Variants in PYGO2 observed in about 807,000 individuals in gnomAD.
PYGO2 encodes the protein pygopus homolog 2.
A neutral mutation model predicts 26.7 loss-of-function variants in PYGO2; 9 were observed. The ratio of observed to expected loss-of-function variants is 0.34; its 90% CI spans 0.20 to 0.59. The LOEUF is 0.59. Among genes scored for constraint, PYGO2 ranks in the 20% least tolerant of loss-of-function variants. PYGO2 has a pLI of 0.84. For synonymous variants in PYGO2, 236 were observed against 219.0 expected (o/e 1.08, Z -0.68); for missense variants, 538 against 561.5 (o/e 0.96, Z 0.42).
rs141762356 is a variant in PYGO2 at position 154,958,879 on chromosome 1, G to C, written c.1121C>G (p.Ser374Cys). ...GCAGAGATCGCAGGCCCAGACGGCA[G>C]AAGCTTCAGTGGTCAGCAGCCCATA... ...SAYGLLTTEA[S>C]AVWACDLCLK... Residue 374 changes from serine (S) to cysteine (C), a missense_variant, in exon 3 of 3, where the codon TCT (serine) becomes TGT (cysteine). Coordinates refer to ENST00000368457, the MANE Select transcript of PYGO2 (RefSeq NM_138300.4). 5.0e-6 allele frequency: 8 copies of C among 1,613,932 alleles called. No individual in the cohort carries two copies. The African/African-American group carries it at 1.1e-4, about 22-fold the overall frequency.
In PYGO2 at chr1:154,959,605, T is replaced by C; in HGVS notation, c.395A>G (p.Gln132Arg). The stretch of plus-strand genomic sequence containing the variant: ...AGGATTGGGAGGGAAGGGGGGTGGC[T>C]GTCGACGGAGTGGCTGGGGGCCCCC... ...GGGGPQPLRR[Q>R]PPPFPPNPMG... The change falls in exon 3 of 3, where the codon CAG (glutamine) becomes CGG (arginine). Residue 132 changes from glutamine to arginine, a missense_variant. Physicochemically the swap from Gln to Arg is conservative, Grantham distance 43 (BLOSUM62 1). This residue lies in a region of PYGO2 where 381 missense variants were observed against 336.6 expected (regional missense o/e 1.13). Coordinates refer to ENST00000368457, the MANE Select transcript of PYGO2 (RefSeq NM_138300.4). This position sits in a 1 kb window ranked among gnomAD's most constrained non-coding sequence, Gnocchi z 4.7. 1 of 1,438,170 alleles carries C rather than the reference T, an allele frequency of 7.0e-7. No individual in the cohort carries two copies. Among genetic ancestry groups the C allele is most frequent in the Non-Finnish European group, 9.2e-7 (1 of 1,089,054 alleles). 89.1% of individuals were successfully genotyped at this position (1,438,170 alleles called of 1,614,324 possible). A position where few individuals can be genotyped will look rare whatever the true frequency, so the allele number is the denominator to read the frequency against.
Position 154,957,681 on chromosome 1 carries a change from G to A in PYGO2, c.*1098C>T, listed in dbSNP as rs1655225836. 2 of 152,664 alleles carry A rather than the reference G, an allele frequency of 1.3e-5. No individual in the cohort carries two copies. The highest frequency in any genetic ancestry group is 1.5e-5 in the Non-Finnish European group (1 of 68,058). The allele number at this position is 152,664 out of a possible 1,614,324, so 9.5% of individuals were successfully genotyped here. A position where few individuals can be genotyped will look rare whatever the true frequency, so the allele number is the denominator to read the frequency against. On this transcript the variant is annotated 3_prime_UTR_variant, in exon 3 of 3. Coordinates refer to ENST00000368457, the MANE Select transcript of PYGO2 (RefSeq NM_138300.4). ...GCTAATTAATCACCAGGCCCAAGAG[G>A]ATATGAAAGAATAGCAAAGAGAAGC...
chr1:154,959,090 C>T lies in PYGO2; in HGVS notation c.910G>A (p.Asp304Asn). The change falls in exon 3 of 3, where the codon GAT (aspartate) becomes AAT (asparagine). Residue 304 changes from aspartate (D) to asparagine (N), a missense_variant. By Grantham distance (23) the Asp-to-Asn change is conservative. Around this residue, in one of 4 missense-constraint regions of PYGO2, gnomAD observed 381 missense variants for 336.6 expected, o/e 1.13. Coordinates refer to ENST00000368457, the MANE Select transcript of PYGO2 (RefSeq NM_138300.4). The surrounding 1 kb of genome is among the most constrained non-coding windows in gnomAD (Gnocchi z 4.7). ...NSSGRGGGTP[D>N]ANSLAPPGKA... ...CCAGGGGGTGCCAAGCTGTTGGCATCTGGAGTGCCCCCACCCCGCCCACTG... is the reference window on the plus strand; with the variant it reads ...CCAGGGGGTGCCAAGCTGTTGGCATTTGGAGTGCCCCCACCCCGCCCACTG... The T allele has an allele frequency of 6.2e-7, 1 of 1,611,818 alleles. No individual in the cohort carries two copies. The highest frequency in any genetic ancestry group is 8.5e-7 in the Non-Finnish European group (1 of 1,179,020).
chr1:154,961,173 G>GA, intron 1 of PYGO2, 147 bp from the exon 2 acceptor site: 1 of 746,248 alleles, frequency 1.3e-6, no homozygotes, highest in Non-Finnish European at 2.3e-6. Context: ...GGTGCAATAT[G>GA]AAAAATAGAT....
intron 2 of PYGO2, 144 bp downstream of exon 2, chr1:154,960,833 G>A (rs747335194): frequency 8.0e-6 from 7 of 880,152 alleles, no homozygotes; most frequent in Non-Finnish European, 1.4e-5. Flanking sequence ...TTCAGCGAAA[G>A]AACAAGAAGC....
rs747682761 is a variant in PYGO2, at chr1:154,959,079, G to A, written c.921C>T (p.Ser307=). 2 of 1,612,860 alleles carry A rather than the reference G, an allele frequency of 1.2e-6. No homozygotes were observed. Among genetic ancestry groups the A allele is most frequent in the Non-Finnish European group, 1.7e-6 (2 of 1,179,716 alleles). Reference sequence around the variant, plus strand: ...CACCTGCCTTGCCAGGGGGTGCCAAGCTGTTGGCATCTGGAGTGCCCCCAC... The same window carrying A: ...CACCTGCCTTGCCAGGGGGTGCCAAACTGTTGGCATCTGGAGTGCCCCCAC... The part of the protein sequence containing the change: ...GRGGGTPDAN[S]LAPPGKAGGG... The change falls in exon 3 of 3, where the codon AGC becomes AGT. Residue 307 remains serine (S), a synonymous_variant. Coordinates refer to ENST00000368457, the MANE Select transcript of PYGO2 (RefSeq NM_138300.4). This position sits in a 1 kb window ranked among gnomAD's most constrained non-coding sequence, Gnocchi z 4.7.
chr1:154,960,877 G>T, intron 2 of PYGO2, 100 bp downstream of exon 2: 1 of 1,120,650 alleles, frequency 8.9e-7, no homozygotes, highest in Non-Finnish European at 1.4e-6. Context: ...TCTCCTCCCT[G>T]CAGCTGATAC....
intron 1 of PYGO2, 73 bp from the exon 2 acceptor site, chr1:154,961,099 G>A: frequency 2.8e-6 from 4 of 1,428,444 alleles, no homozygotes; most frequent in Non-Finnish European, 3.9e-6. Context: ...TCTCAGCCAT[G>A]CTCTGAGGAA....
In PYGO2 at chr1:154,961,034, A is replaced by G. The variant is rs763245637; in HGVS notation, c.104-8T>C. 3.1e-6 allele frequency: 5 copies of G among 1,610,980 alleles called. No homozygotes were observed. Among genetic ancestry groups the G allele is most frequent in the Non-Finnish European group, 4.2e-6 (5 of 1,178,654 alleles). On this transcript the variant is annotated splice_polypyrimidine_tract_variant and splice_region_variant and intron_variant, in intron 1 of 2. Transcript: ENST00000368457. ...GACTCTTCATTTGCAGACCTGGAAG[A>G]GCGGCAAAAGGAAGACGCAGACAAG...
chr1:154,960,940 C>A, intron 2 of PYGO2, 37 bp downstream of exon 2: 1 of 1,602,554 alleles, frequency 6.2e-7, no homozygotes, highest in South Asian at 1.1e-5. Context: ...CGCCAAGGGG[C>A]TGCTGGGAAC....
At chr1:154,960,040 A>G (rs902685343) in intron 2 of PYGO2, among the ~76,000 whole-genome samples, 194 bp from the exon 3 acceptor site, 4 of 151,562 alleles carry the variant, frequency 2.6e-5, no homozygotes, top group South Asian at 4.2e-4. Flanking sequence ...CAAGGCGGGC[A>G]GATCACGAGG....
In PYGO2 at chr1:154,958,574, C is replaced by CGGTGGTCGCCGT; in HGVS notation, c.*204_*205insACGGCGACCACC. The CGGTGGTCGCCGT allele has an allele frequency of 1.7e-6, 1 of 584,888 alleles. No individual in the cohort carries two copies. The highest frequency in any genetic ancestry group is 3.0e-6 in the Non-Finnish European group (1 of 328,706). 36.2% of individuals were successfully genotyped at this position (584,888 alleles called of 1,614,324 possible). The stretch of plus-strand genomic sequence containing the variant: ...TGGTTTCCTGGATCTCTGTAGATCT[C>CGGTGGTCGCCGT]AACATGTAAGTTTCCCAAAACAGTG... On this transcript the variant is annotated 3_prime_UTR_variant, in exon 3 of 3. Transcript: ENST00000368457.
rs1373218434 is a variant in PYGO2 at position 154,958,054 on chromosome 1, A to G, written c.*725T>C. ...AAAATATGGTCATTAGGAGAAAAGC[A>G]CGAGAGAGGCTGAGAAAGGACCAGT... On this transcript the variant is annotated 3_prime_UTR_variant, in exon 3 of 3. Transcript: ENST00000368457. The G allele has an allele frequency of 6.5e-6, 1 of 152,748 alleles. No individual in the cohort carries two copies. The highest frequency in any genetic ancestry group is 2.4e-5 in the African/African-American group (1 of 41,446). 9.5% of individuals were successfully genotyped at this position (152,748 alleles called of 1,614,324 possible). A position where few individuals can be genotyped will look rare whatever the true frequency, so the allele number is the denominator to read the frequency against.
rs746228191 is a variant in PYGO2, at chr1:154,959,206, G to A, written c.794C>T (p.Pro265Leu). 1.0e-5 allele frequency: 16 copies of A among 1,575,108 alleles called. No individual in the cohort carries two copies. The highest frequency in any genetic ancestry group is 3.5e-5 in the South Asian group (3 of 85,600). ...GGEDGGKPLNPPASTAFPQEP... is the reference protein window; with the variant it reads ...GGEDGGKPLNLPASTAFPQEP... Reference sequence around the variant, plus strand: ...CTGGGGAAAAGCAGTAGAAGCAGGTGGATTCAAGGGCTTCCCCCCATCCTC... The same window carrying A: ...CTGGGGAAAAGCAGTAGAAGCAGGTAGATTCAAGGGCTTCCCCCCATCCTC... Residue 265 changes from proline to leucine, a missense_variant, in exon 3 of 3, where the codon CCA becomes CTA. Transcript: ENST00000368457. The surrounding 1 kb of genome is among the most constrained non-coding windows in gnomAD (Gnocchi z 4.7).
chr1:154,961,018 T>C lies in PYGO2; in HGVS notation c.112A>G (p.Met38Val). ...CTTCGCTTCTTTTCTGGACTCTTCA[T>C]TTGCAGACCTGGAAGAGCGGCAAAA... is the stretch of plus-strand genomic sequence containing the variant. ...GRKQGKAGLQ[M>V]KSPEKKRRKS... is the part of the protein sequence containing the mutation. Residue 38 changes from methionine (M) to valine (V), a missense_variant, in exon 2 of 3, where the codon ATG (methionine) becomes GTG (valine). Around this residue, in one of 4 missense-constraint regions of PYGO2, gnomAD observed 79 missense variants for 92.7 expected, o/e 0.85. Coordinates refer to ENST00000368457, the MANE Select transcript of PYGO2 (RefSeq NM_138300.4). 6.2e-7 allele frequency: 1 copy of C among 1,612,022 alleles called. No individual in the cohort carries two copies. Among genetic ancestry groups the C allele is most frequent in the Non-Finnish European group, 8.5e-7 (1 of 1,179,336 alleles).
rs757191072 is a variant in PYGO2 at position 154,958,445 on chromosome 1, G to C, written c.*334C>G. On this transcript the variant is annotated 3_prime_UTR_variant, in exon 3 of 3. Transcript: ENST00000368457. ...TTAGGGGCATCCATCATCAGCAGAG[G>C]GAACACCCCTGCCCTCCGGATCTTC... The C allele has an allele frequency of 2.6e-5, 8 of 302,936 alleles. No homozygotes were observed. Among genetic ancestry groups the C allele is most frequent in the Non-Finnish European group, 4.4e-5 (7 of 157,974 alleles). 18.8% of individuals were successfully genotyped at this position (302,936 alleles called of 1,614,324 possible). A position where few individuals can be genotyped will look rare whatever the true frequency, so the allele number is the denominator to read the frequency against.
chr1:154,960,672 T>TA (rs141304431), intron 2 of PYGO2, among the ~76,000 whole-genome samples: 273 of 151,948 alleles, frequency 1.8e-3, no homozygotes, highest in Non-Finnish European at 3.3e-3. Context: ...TCCCTGGCAC[T>TA]AAAAAAAGGA....
Position 154,959,734 on chromosome 1 carries a change from A to G in PYGO2, c.266T>C (p.Val89Ala). Residue 89 changes from valine (V) to alanine (A), a missense_variant, in exon 3 of 3, where the codon GTT becomes GCT. Val to Ala is a moderately conservative substitution (Grantham distance 64). Coordinates refer to ENST00000368457, the MANE Select transcript of PYGO2 (RefSeq NM_138300.4). This position sits in a 1 kb window ranked among gnomAD's most constrained non-coding sequence, Gnocchi z 4.7. ...ACTGCCAAGGAATGGAGGGGCTGCA[A>G]CCCCCACTTTGGGGGCTCCGAAGTC... is the stretch of plus-strand genomic sequence containing the variant. The part of the protein sequence containing the change: ...EDDFGAPKVG[V>A]AAPPFLGSPV... 1 of 1,396,634 alleles carries G rather than the reference A, an allele frequency of 7.2e-7. No individual in the cohort carries two copies. Among genetic ancestry groups the G allele is most frequent in the South Asian group, 1.8e-5 (1 of 55,300 alleles). 86.5% of individuals were successfully genotyped at this position (1,396,634 alleles called of 1,614,324 possible). A position where few individuals can be genotyped will look rare whatever the true frequency, so the allele number is the denominator to read the frequency against.
Position 154,957,259 on chromosome 1 carries a change from G to T in PYGO2, c.*1520C>A, listed in dbSNP as rs189767206. 6.6e-6 allele frequency: 1 copy of T among 152,582 alleles called. No homozygotes were observed. Among genetic ancestry groups the T allele is most frequent in the Non-Finnish European group, 1.5e-5 (1 of 68,224 alleles). 9.5% of individuals were successfully genotyped at this position (152,582 alleles called of 1,614,324 possible). ...ACAACAAACACAAGAGTTGAGCAGC[G>T]GGGTGGGGGTGGGGGGTTGCCATCT... On this transcript the variant is annotated 3_prime_UTR_variant, in exon 3 of 3. Coordinates refer to ENST00000368457, the MANE Select transcript of PYGO2 (RefSeq NM_138300.4).
Sources: gnomAD v4.1 joint callset for allele counts (sites outside exome capture counted in the v4.1 genomes callset) on GRCh38, gnomAD v4.1.1 for gene constraint, gnomAD v4.1.1 regional missense constraint, Gnocchi (gnomAD v3.1) non-coding constraint, MANE v1.5 for transcripts, NCBI Gene and HGNC (gene_info 2026-07-23, HGNC 2026-07-21) for gene names.